Variants in LEMD3 observed in about 807,000 individuals in gnomAD.
LEMD3 encodes inner nuclear membrane protein Man1.
In LEMD3, 33 loss-of-function variants were observed where a neutral mutation model predicts 95.2. The observed-to-expected ratio is 0.35, with a 90% CI of 0.26 to 0.46. The LOEUF (loss-of-function observed/expected upper bound fraction) is 0.46, where lower values mean the gene tolerates loss of function less well. LEMD3 is among the 20% of genes least tolerant of loss of function. The probability of loss-of-function intolerance (pLI) is 1.00; values close to 1 mark genes in which losing one functional copy is unlikely to be tolerated. For synonymous variants in LEMD3, 525 were observed against 474.6 expected (o/e 1.11, Z -1.38); for missense variants, 1,210 against 1,192.8 (o/e 1.01, Z -0.21).
At chr12:65,227,664 C>T (rs1218224666) in intron 4 of LEMD3, among the ~76,000 whole-genome samples, 1 of 151,752 alleles carries the variant, frequency 6.6e-6, no homozygotes, top group Non-Finnish European at 1.5e-5. Flanking sequence ...GTCCAACTTG[C>T]AGCCCAGGAT....
At chr12:65,245,969 G>A in intron 12 of LEMD3, 30 bp downstream of exon 12, 3 of 1,518,672 alleles carry the variant, frequency 2.0e-6, no homozygotes, top group Non-Finnish European at 2.7e-6. Flanking sequence ...CAAACATTTT[G>A]AAAAGATAGT....
At chr12:65,237,490 T>A (rs994672248) in intron 4 of LEMD3, among the ~76,000 whole-genome samples, 2 of 152,212 alleles carry the variant, frequency 1.3e-5, no homozygotes, top group African/African-American at 4.8e-5. Flanking sequence ...ATGTGGAATG[T>A]CAGACTGTGC....
chr12:65,170,890 T>C lies in LEMD3; in HGVS notation c.1294T>C (p.Ser432Pro). 1 of 1,614,168 alleles carries C rather than the reference T, an allele frequency of 6.2e-7. No homozygotes were observed. The highest frequency in any genetic ancestry group is 8.5e-7 in the Non-Finnish European group (1 of 1,180,036). Residue 432 changes from serine (S) to proline (P), a missense_variant, in exon 1 of 13, where the codon TCC becomes CCC. Coordinates refer to ENST00000308330, the MANE Select transcript of LEMD3 (RefSeq NM_014319.5). ...LRINHANHTGSNHTYLKNTYN... is the reference protein window; with the variant it reads ...LRINHANHTGPNHTYLKNTYN... ...GATCAATCACGCCAATCATACGGGC[T>C]CCAATCATACCTACCTGAAAAACAC...
chr12:65,174,804 G>A (rs918027303), intron 1 of LEMD3, among the ~76,000 whole-genome samples: 3 of 152,148 alleles, frequency 2.0e-5, no homozygotes, highest in African/African-American at 7.2e-5. Flanking sequence ...TTTCTAGGAG[G>A]GGAATGGACA....
At chr12:65,199,788 AAGAGCATG>A (rs1869538865) in intron 1 of LEMD3, among the ~76,000 whole-genome samples, 1 of 152,036 alleles carries the variant, frequency 6.6e-6, no homozygotes, top group Non-Finnish European at 1.5e-5. Context: ...GTAAATACCA[AAGAGCATG>A]ATTAATGGAT....
chr12:65,219,009 C>T (rs1387647726), intron 4 of LEMD3, among the ~76,000 whole-genome samples: 2 of 152,124 alleles, frequency 1.3e-5, no homozygotes, highest in Non-Finnish European at 2.9e-5. Context: ...CCAGGCTGGT[C>T]TCAAACTCCT....
chr12:65,217,008 T>C lies in LEMD3; in HGVS notation c.1627+965T>C, dbSNP rs181264497. On this transcript the variant is annotated intron_variant, in intron 3 of 12. Coordinates refer to ENST00000308330, the MANE Select transcript of LEMD3 (RefSeq NM_014319.5). ...AGAGATAGGTTAAGTATATGCTAGTTATGCTAGCTAGGGATATTGCTAACA... is the reference window on the plus strand; with the variant it reads ...AGAGATAGGTTAAGTATATGCTAGTCATGCTAGCTAGGGATATTGCTAACA... 1.8e-3 allele frequency among the ~76,000 whole-genome samples: 281 copies of C among 152,350 alleles called. 1 individual carries two copies. Among genetic ancestry groups the C allele is most frequent in the African/African-American group, 6.6e-3 (274 of 41,582 alleles).
intron 1 of LEMD3, among the ~76,000 whole-genome samples, chr12:65,174,082 G>T (rs1295145399): frequency 1.3e-5 from 2 of 152,126 alleles, no homozygotes; most frequent in East Asian, 3.8e-4. Context: ...CCAGAAGATT[G>T]TAGGTTATAT....
Position 65,239,909 on chromosome 12 carries a change from A to G in LEMD3, c.1922-20A>G, listed in dbSNP as rs761192574. 2.0e-6 allele frequency: 3 copies of G among 1,494,200 alleles called. No individual in the cohort carries two copies. The highest frequency in any genetic ancestry group is 9.3e-7 in the Non-Finnish European group (1 of 1,072,758). The allele number at this position is 1,494,200 out of a possible 1,614,324, so 92.6% of individuals were successfully genotyped here. On this transcript the variant is annotated intron_variant, in intron 6 of 12. Coordinates refer to ENST00000308330, the MANE Select transcript of LEMD3 (RefSeq NM_014319.5). Reference sequence around the variant, plus strand: ...ATATTGACCACAATTTTTAAAATACAAAGTATATTAATATTACAGGTGTAG... The same window carrying G: ...ATATTGACCACAATTTTTAAAATACGAAGTATATTAATATTACAGGTGTAG...
chr12:65,225,744 C>A (rs550799019), intron 4 of LEMD3, among the ~76,000 whole-genome samples: 3 of 152,242 alleles, frequency 2.0e-5, no homozygotes, highest in African/African-American at 7.2e-5. Flanking sequence ...CCATGCCCAG[C>A]TAATTTTTTG....
intron 2 of LEMD3, among the ~76,000 whole-genome samples, chr12:65,213,123 A>G (rs1034285127): frequency 2.1e-4 from 31 of 147,180 alleles, no homozygotes; most frequent in African/African-American, 5.7e-4. Flanking sequence ...GATAAAGTAA[A>G]TAGTATATCT....
In LEMD3 at chr12:65,227,583, A is replaced by T. The variant is rs184067460; in HGVS notation, c.1695+8964A>T. On this transcript the variant is annotated intron_variant, in intron 4 of 12. Coordinates refer to ENST00000308330, the MANE Select transcript of LEMD3 (RefSeq NM_014319.5). ...CTGCTATATACCTTAAATCTTCTCT[A>T]GATTACTGATAATACAATGTAAATT... 5.6e-3 allele frequency among the ~76,000 whole-genome samples: 853 copies of T among 152,306 alleles called. 7 individuals are homozygous for T. The highest frequency in any genetic ancestry group is 0.016 in the African/African-American group (651 of 41,564).
At chr12:65,209,510 T>C (rs1869869489) in intron 1 of LEMD3, among the ~76,000 whole-genome samples, 1 of 152,150 alleles carries the variant, frequency 6.6e-6, no homozygotes, top group Non-Finnish European at 1.5e-5. Context: ...TCAATGTTTA[T>C]ATTGAAAAAT....
At chr12:65,228,320 A>T (rs1329232269) in intron 4 of LEMD3, among the ~76,000 whole-genome samples, 1 of 152,118 alleles carries the variant, frequency 6.6e-6, no homozygotes, top group Non-Finnish European at 1.5e-5. Flanking sequence ...GAAACTGCTT[A>T]TATCTACTTA....
chr12:65,244,669 T>C (rs1460432392), intron 10 of LEMD3, among the ~76,000 whole-genome samples: 1 of 152,150 alleles, frequency 6.6e-6, no homozygotes, highest in African/African-American at 2.4e-5. Context: ...AACATTCGGC[T>C]GGGCACAGTG....
chr12:65,227,733 C>T (rs996956955), intron 4 of LEMD3, among the ~76,000 whole-genome samples: 4 of 85,326 alleles, frequency 4.7e-5, no homozygotes, highest in East Asian at 7.9e-4. Context: ...AGAATTTTTG[C>T]GATTTTTTTT....
intron 1 of LEMD3, among the ~76,000 whole-genome samples, chr12:65,196,212 G>C (rs902438229): frequency 6.6e-6 from 1 of 151,604 alleles, no homozygotes; most frequent in African/African-American, 2.4e-5. Context: ...TGGGGTCAGA[G>C]TTAAGTCAGT....
intron 3 of LEMD3, among the ~76,000 whole-genome samples, chr12:65,217,918 A>G (rs949046108): frequency 1.3e-5 from 2 of 152,164 alleles, no homozygotes; most frequent in African/African-American, 4.8e-5. Flanking sequence ...TATGGAGTCA[A>G]GCTGTCTTCT....
chr12:65,171,922 A>G (rs1359054156), intron 1 of LEMD3: 5 of 152,036 alleles, frequency 3.3e-5, no homozygotes, highest in African/African-American at 9.7e-5. Flanking sequence ...ACACAACTTT[A>G]TTTTTTTTCC....
Sources: allele counts gnomAD v4.1 joint callset (sites outside exome capture counted in the v4.1 genomes callset), GRCh38; gene constraint gnomAD v4.1.1; transcripts MANE v1.5; gene names NCBI Gene and HGNC (gene_info 2026-07-23, HGNC 2026-07-21).